OSBPL9: variants seen among roughly 807,000 people sequenced by gnomAD.
The protein encoded by OSBPL9 is oxysterol-binding protein-related protein 9.
A neutral mutation model predicts 106.6 loss-of-function variants in OSBPL9; 40 were observed. That is an observed-to-expected ratio of 0.38 (90% confidence interval 0.29 to 0.49). OSBPL9 has a LOEUF of 0.49. OSBPL9 is among the 20% of genes least tolerant of loss of function. OSBPL9 has a pLI of 0.97. For synonymous variants in OSBPL9, 269 were observed against 295.4 expected, an observed-to-expected ratio of 0.91 and a Z score of 0.92; for missense variants, 609 against 887.2, an observed-to-expected ratio of 0.69 and a Z score of 3.98.
At chr1:51,785,963 A>C (rs541354736) in intron 21 of OSBPL9, 77 bp downstream of exon 21, 1 of 1,198,926 alleles carries the variant, frequency 8.3e-7, no homozygotes, top group African/African-American at 1.5e-5. Context: ...TTCCTTCATT[A>C]GTACTTCCTT....
At chr1:51,551,518 C>G in the OSBPL9 span, among the ~76,000 whole-genome samples, 1 of 152,100 alleles carries the variant, frequency 6.6e-6, no homozygotes, top group Non-Finnish European at 1.5e-5. Context: ...ATAGTATAAA[C>G]AAAGTTAACC....
chr1:51,539,975 GCTTTCACACC>G, the OSBPL9 span, among the ~76,000 whole-genome samples: 10 of 152,164 alleles, frequency 6.6e-5, no homozygotes, highest in Non-Finnish European at 1.5e-4. Flanking sequence ...CATCCACATG[GCTTTCACACC>G]GCAACCCCCA....
At chr1:51,754,471 CAG>C (rs1669921704) in intron 8 of OSBPL9, among the ~76,000 whole-genome samples, 1 of 152,142 alleles carries the variant, frequency 6.6e-6, no homozygotes, top group African/African-American at 2.4e-5. Flanking sequence ...AAGGTAGACA[CAG>C]ATCAATTTGA....
At chr1:51,527,796 T>C in the OSBPL9 span, among the ~76,000 whole-genome samples, 2 of 151,450 alleles carry the variant, frequency 1.3e-5, no homozygotes, top group Non-Finnish European at 2.9e-5. Flanking sequence ...GGAAGGAAAA[T>C]AAAAATCCAA....
chr1:51,546,610 T>C, the OSBPL9 span, among the ~76,000 whole-genome samples: 1 of 150,452 alleles, frequency 6.6e-6, no homozygotes, highest in Non-Finnish European at 1.5e-5. Flanking sequence ...GACAGGAGAA[T>C]GGCATGAACC....
intron 3 of OSBPL9, among the ~76,000 whole-genome samples, chr1:51,697,453 CT>C (rs759965779): frequency 0.047 from 4,850 of 103,156 alleles, 108 homozygotes; most frequent in Middle Eastern, 0.12. Context: ...ATAGGGGTTA[CT>C]TTTTTTTTTT....
chr1:51,702,410 A>AT (rs1400596291), intron 3 of OSBPL9, among the ~76,000 whole-genome samples: 1 of 152,036 alleles, frequency 6.6e-6, no homozygotes, highest in Non-Finnish European at 1.5e-5. Flanking sequence ...GATGATGAGC[A>AT]TTTTTTCACG....
intron 4 of OSBPL9, chr1:51,740,038 T>C: frequency 8.0e-6 from 11 of 1,382,614 alleles, no homozygotes; most frequent in Non-Finnish European, 1.1e-5. Context: ...ACTTTTCCTC[T>C]GTGTAGTTAC....
At chr1:51,570,949 G>A in the OSBPL9 span, among the ~76,000 whole-genome samples, 1 of 152,094 alleles carries the variant, frequency 6.6e-6, no homozygotes, top group Non-Finnish European at 1.5e-5. Flanking sequence ...AGCCTCCCAA[G>A]TGGCTGGGAT....
At chr1:51,698,229 C>T (rs1656483607) in intron 3 of OSBPL9, among the ~76,000 whole-genome samples, 1 of 152,098 alleles carries the variant, frequency 6.6e-6, no homozygotes, top group Non-Finnish European at 1.5e-5. Context: ...TTGGCCTTTA[C>T]ACTGTGCAGC....
intron 1 of OSBPL9, among the ~76,000 whole-genome samples, chr1:51,579,190 A>T (rs1645204950): frequency 1.3e-5 from 2 of 152,032 alleles, no homozygotes; most frequent in Admixed American, 1.3e-4. Flanking sequence ...CATCTGTAGA[A>T]ATGGGGACCT....
At chr1:51,776,289 G>C (rs572081761) in intron 14 of OSBPL9, among the ~76,000 whole-genome samples, 12 of 152,208 alleles carry the variant, frequency 7.9e-5, no homozygotes, top group African/African-American at 2.6e-4. Flanking sequence ...CTATACACTT[G>C]TCTAATGATG....
At chr1:51,777,007 T>C in intron 15 of OSBPL9, 89 bp downstream of exon 15, 1 of 1,001,942 alleles carries the variant, frequency 1.0e-6, no homozygotes, top group Non-Finnish European at 1.6e-6. Flanking sequence ...ATGGATTCCT[T>C]GTCACCTTTC....
At chr1:51,591,023 A>G (rs1410927726) in intron 1 of OSBPL9, among the ~76,000 whole-genome samples, 1 of 149,896 alleles carries the variant, frequency 6.7e-6, no homozygotes, top group Admixed American at 6.8e-5. Context: ...GGTTCACACC[A>G]TTCTCCTGCC....
At chr1:51,647,731 T>C (rs1646256178) in intron 1 of OSBPL9, among the ~76,000 whole-genome samples, 2 of 152,200 alleles carry the variant, frequency 1.3e-5, no homozygotes, top group South Asian at 4.1e-4. Flanking sequence ...ATGTTTTTTT[T>C]CTTTCATTCC....
the OSBPL9 span, among the ~76,000 whole-genome samples, chr1:51,536,231 C>G: frequency 6.6e-6 from 1 of 152,298 alleles, no homozygotes; most frequent in Admixed American, 6.5e-5. Flanking sequence ...TTTCCCCCAT[C>G]AGGTTCTGAT....
At chr1:51,559,294 T>C in the OSBPL9 span, among the ~76,000 whole-genome samples, 26,444 of 140,496 alleles carry the variant, frequency 0.19, 4,762 homozygotes, top group African/African-American at 0.48. Flanking sequence ...AGTGTGGGGG[T>C]GGGGGTTGCG....
chr1:51,729,828 G>A lies in OSBPL9; in HGVS notation c.319-15708G>A. 1 of 1,244,386 alleles carries A rather than the reference G, an allele frequency of 8.0e-7. No individual in the cohort carries two copies. Among genetic ancestry groups the A allele is most frequent in the Non-Finnish European group, 1.0e-6 (1 of 987,540 alleles). The allele number at this position is 1,244,386 out of a possible 1,614,324, so 77.1% of individuals were successfully genotyped here. The stretch of plus-strand genomic sequence containing the variant: ...GGGGTGGGGGGTGAAGGGGGTGAAG[G>A]GGGTGTCCCGGGGGACGGGCTGAAC... On this transcript the variant is annotated intron_variant, in intron 4 of 23. Coordinates refer to ENST00000428468, the MANE Select transcript of OSBPL9 (RefSeq NM_024586.6). This position sits in a 1 kb window ranked among gnomAD's most constrained non-coding sequence, Gnocchi z 5.1.
intron 3 of OSBPL9, among the ~76,000 whole-genome samples, chr1:51,706,103 CT>C (rs1300175375): frequency 6.6e-6 from 1 of 152,146 alleles, no homozygotes; most frequent in Non-Finnish European, 1.5e-5. Flanking sequence ...AGTGTTCACT[CT>C]TTTTCCATTA....
Sources: gnomAD v4.1 joint callset for allele counts (sites outside exome capture counted in the v4.1 genomes callset) on GRCh38, gnomAD v4.1.1 for gene constraint, Gnocchi (gnomAD v3.1) non-coding constraint, MANE v1.5 for transcripts, NCBI Gene and HGNC (gene_info 2026-07-23, HGNC 2026-07-21) for gene names.